Variants in CCDC148 observed in about 807,000 individuals in gnomAD.
CCDC148 encodes coiled-coil domain-containing protein 148.
CCDC148 carries 89 observed loss-of-function variants against 85.7 expected under a neutral mutation model. The ratio of observed to expected loss-of-function variants is 1.04; its 90% CI spans 0.87 to 1.24. The LOEUF (loss-of-function observed/expected upper bound fraction) is 1.24. Among genes scored for constraint, CCDC148 ranks in the 50% most tolerant of loss-of-function variants. The probability of loss-of-function intolerance (pLI) is 0.00; values close to 1 mark genes in which losing one functional copy is unlikely to be tolerated. For synonymous variants in CCDC148, 230 were observed against 213.9 expected, an observed-to-expected ratio of 1.08 and a Z score of -0.66; for missense variants, 692 against 671.7, an observed-to-expected ratio of 1.03 and a Z score of -0.33.
chr2:158,361,071 A>G (rs1387030339), intron 1 of CCDC148, among the ~76,000 whole-genome samples: 1 of 151,942 alleles, frequency 6.6e-6, no homozygotes, highest in African/African-American at 2.4e-5. Context: ...AAGAAAGGAT[A>G]TCAGAGATTA....
At chr2:158,393,586 G>A (rs1009795733) in intron 1 of CCDC148, among the ~76,000 whole-genome samples, 4 of 152,122 alleles carry the variant, frequency 2.6e-5, no homozygotes, top group Admixed American at 2.6e-4. Flanking sequence ...AGGGGGCCAA[G>A]TGGGCAGACT....
intron 2 of CCDC148, among the ~76,000 whole-genome samples, chr2:158,346,358 T>C (rs561439900): frequency 1.3e-5 from 2 of 152,328 alleles, no homozygotes; most frequent in South Asian, 4.1e-4. Context: ...CCAACTTTTC[T>C]CTGAACAGTT....
At chr2:158,327,889 T>C (rs905867426) in intron 7 of CCDC148, among the ~76,000 whole-genome samples, 1 of 152,192 alleles carries the variant, frequency 6.6e-6, no homozygotes, top group African/African-American at 2.4e-5. Flanking sequence ...ATATTCTATA[T>C]TTAGAATTGC....
chr2:158,220,159 G>T (rs1687097503), intron 11 of CCDC148, among the ~76,000 whole-genome samples: 1 of 148,240 alleles, frequency 6.7e-6, no homozygotes, highest in Admixed American at 6.6e-5. Context: ...TCATGTATTG[G>T]GCATGCCCTA....
Position 158,336,634 on chromosome 2 carries a change from A to G in CCDC148, c.764+2092T>C, listed in dbSNP as rs990839026. ...TGAATAAAATGTATTATGGATAATT[A>G]TAAGTGGCAAGCAGACTATTAAACT... On this transcript the variant is annotated intron_variant, in intron 7 of 13. Transcript: ENST00000283233. 5.3e-5 allele frequency among the ~76,000 whole-genome samples: 8 copies of G among 152,304 alleles called. 1 individual carries two copies. The Middle Eastern group carries it at 0.01, about 194-fold the overall frequency.
chr2:158,282,077 A>T lies in CCDC148; in HGVS notation c.1110+27356T>A, dbSNP rs552571184. On this transcript the variant is annotated intron_variant, in intron 9 of 13. Transcript: ENST00000283233. ...AAAAGGCCTTTGACAAAATTCAACA[A>T]CGCTTCATGCTAAAAACTCTCAATA... Among the ~76,000 whole-genome samples, 19 of 151,604 alleles carry T rather than the reference A, an allele frequency of 1.3e-4. No individual in the cohort carries two copies. The East Asian group carries it at 3.7e-3, about 29-fold the overall frequency.
At chr2:158,295,261 C>A (rs1691124771) in intron 9 of CCDC148, among the ~76,000 whole-genome samples, 1 of 151,854 alleles carries the variant, frequency 6.6e-6, no homozygotes, top group African/African-American at 2.4e-5. Context: ...GAATCCAGGA[C>A]CAGATGGATT....
At chr2:158,229,558 T>C (rs1687748374) in intron 10 of CCDC148, among the ~76,000 whole-genome samples, 1 of 152,216 alleles carries the variant, frequency 6.6e-6, no homozygotes, top group South Asian at 2.1e-4. Context: ...CTGTTCACTA[T>C]GTTCAGCTCC....
chr2:158,303,308 T>A (rs953749676), intron 9 of CCDC148, among the ~76,000 whole-genome samples: 2 of 152,208 alleles, frequency 1.3e-5, no homozygotes, highest in Admixed American at 6.5e-5. Flanking sequence ...TACAGTATAA[T>A]AAATATCTTC....
At chr2:158,343,139 C>T (rs1195503296) in intron 3 of CCDC148, among the ~76,000 whole-genome samples, 1 of 152,138 alleles carries the variant, frequency 6.6e-6, no homozygotes, top group Non-Finnish European at 1.5e-5. Flanking sequence ...CCTGCCTCAG[C>T]CTCCCACGTA....
chr2:158,290,677 A>T (rs1042482117), intron 9 of CCDC148, among the ~76,000 whole-genome samples: 19 of 151,908 alleles, frequency 1.3e-4, no homozygotes, highest in African/African-American at 3.6e-4. Context: ...GCTCTCTTGT[A>T]GTATTTATTA....
rs770140859 is a variant in CCDC148, at chr2:158,178,965, G to T, written c.1402C>A (p.Arg468Ser). 2.5e-6 allele frequency: 4 copies of T among 1,612,840 alleles called. 1 individual carries two copies. The highest frequency in any genetic ancestry group is 2.2e-5 in the East Asian group (1 of 44,808). ...GCCACTTCCTTTTTCTCCATCAAAC[G>T]CCTTTCCAATAATTCTTGTCTATAT... ...VKYRQELLER[R>S]LMEKKEVALQ... Residue 468 changes from arginine (R) to serine (S), a missense_variant, in exon 12 of 14, where the codon CGT becomes AGT. Coordinates refer to ENST00000283233, the MANE Select transcript of CCDC148 (RefSeq NM_138803.4).
intron 1 of CCDC148, 95 bp from the exon 2 acceptor site, chr2:158,358,665 A>C: frequency 6.4e-6 from 4 of 627,740 alleles, no homozygotes; most frequent in Non-Finnish European, 9.4e-6. Context: ...TTCAGATCTT[A>C]TTTTTAAATA....
chr2:158,191,605 T>C (rs1415172926), intron 11 of CCDC148, among the ~76,000 whole-genome samples: 1 of 152,022 alleles, frequency 6.6e-6, no homozygotes, highest in African/African-American at 2.4e-5. Context: ...AAACAAATGA[T>C]AAAATATATT....
rs1682918168 is a variant in CCDC148, at chr2:158,344,935, T to A, written c.251+280A>T. 2.6e-5 allele frequency among the ~76,000 whole-genome samples: 4 copies of A among 152,086 alleles called. No homozygotes were observed. The South Asian group carries it at 8.3e-4, about 31-fold the overall frequency. On this transcript the variant is annotated intron_variant, in intron 3 of 13. Transcript: ENST00000283233. ...TTATAATCCAATATGCTAAGTATGA[T>A]ACAAGTAAATACAAGTATGAGAGTG...
At chr2:158,238,985 G>C (rs755262080) in intron 10 of CCDC148, among the ~76,000 whole-genome samples, 2 of 152,040 alleles carry the variant, frequency 1.3e-5, no homozygotes, top group Admixed American at 1.3e-4. Context: ...ATGTGACTTT[G>C]GGGAAATTAC....
chr2:158,385,979 G>T (rs1685069153), intron 1 of CCDC148, among the ~76,000 whole-genome samples: 1 of 152,056 alleles, frequency 6.6e-6, no homozygotes, highest in Admixed American at 6.6e-5. Context: ...AAATAGTGGG[G>T]TCTGGCCTCT....
At chr2:158,344,726 A>G (rs1412351537) in intron 3 of CCDC148, among the ~76,000 whole-genome samples, 1 of 152,142 alleles carries the variant, frequency 6.6e-6, no homozygotes, top group Admixed American at 6.5e-5. Flanking sequence ...TAAGTTAGTC[A>G]TGATGCACTT....
At chr2:158,245,377 T>TC (rs1688528214) in intron 10 of CCDC148, among the ~76,000 whole-genome samples, 1 of 152,232 alleles carries the variant, frequency 6.6e-6, no homozygotes, top group African/African-American at 2.4e-5. Flanking sequence ...GGCAGATCCC[T>TC]CCCCAGAAAG....
Sources: allele counts gnomAD v4.1 joint callset (sites outside exome capture counted in the v4.1 genomes callset), GRCh38; gene constraint gnomAD v4.1.1; transcripts MANE v1.5; gene names NCBI Gene and HGNC (gene_info 2026-07-23, HGNC 2026-07-21).